HEMK2: variants seen among roughly 807,000 people sequenced by gnomAD.
The protein encoded by HEMK2 is methyltransferase HEMK2.
chr21:28,854,881 G>A, the HEMK2 span, among the ~76,000 whole-genome samples: 1 of 152,106 alleles, frequency 6.6e-6, no homozygotes, highest in Non-Finnish European at 1.5e-5. Context: ...ATAATACTTT[G>A]TATCCTTCAA....
chr21:28,718,625 A>T, the HEMK2 span, among the ~76,000 whole-genome samples: 9 of 152,162 alleles, frequency 5.9e-5, no homozygotes, highest in Non-Finnish European at 1.3e-4. Context: ...TTTAAAAAAA[A>T]AAATAAACTG....
the HEMK2 span, among the ~76,000 whole-genome samples, chr21:28,685,576 G>C: frequency 6.6e-6 from 1 of 152,184 alleles, no homozygotes; most frequent in Non-Finnish European, 1.5e-5. Context: ...AGCCAGTTTG[G>C]TTATGCACAC....
the HEMK2 span, among the ~76,000 whole-genome samples, chr21:28,829,204 C>T: frequency 6.6e-6 from 1 of 152,336 alleles, no homozygotes; most frequent in South Asian, 2.1e-4. Flanking sequence ...TTGCTAATTA[C>T]ACAGTAAGCA....
chr21:28,771,528 G>A, the HEMK2 span, among the ~76,000 whole-genome samples: 1,020 of 88,976 alleles, frequency 0.011, 25 homozygotes, highest in African/African-American at 0.047. Flanking sequence ...ACCCCCCCCC[G>A]CCAAAGAATT....
the HEMK2 span, among the ~76,000 whole-genome samples, chr21:28,604,533 A>T: frequency 2.0e-5 from 3 of 152,214 alleles, no homozygotes; most frequent in Admixed American, 2.0e-4. Flanking sequence ...TTTTTCATTC[A>T]GCAAATGTCT....
At chr21:28,617,298 G>C in the HEMK2 span, among the ~76,000 whole-genome samples, 3 of 152,344 alleles carry the variant, frequency 2.0e-5, no homozygotes, top group African/African-American at 7.2e-5. Context: ...GGAGTAGAGG[G>C]AGGCAGGGAG....
the HEMK2 span, among the ~76,000 whole-genome samples, chr21:28,636,828 T>TC: frequency 6.6e-6 from 1 of 152,166 alleles, no homozygotes; most frequent in Non-Finnish European, 1.5e-5. Context: ...AGAGTACGAC[T>TC]CCATCACTTT....
At chr21:28,838,469 G>C in the HEMK2 span, among the ~76,000 whole-genome samples, 1 of 151,918 alleles carries the variant, frequency 6.6e-6, no homozygotes, top group Non-Finnish European at 1.5e-5. Flanking sequence ...AGGAGGTGGA[G>C]CTTGCAGTGA....
the HEMK2 span, among the ~76,000 whole-genome samples, chr21:28,624,001 A>C: frequency 6.6e-6 from 1 of 152,192 alleles, no homozygotes; most frequent in South Asian, 2.1e-4. Context: ...TCAAATGCCA[A>C]TTTGCGGTGT....
chr21:28,883,336 C>A, the HEMK2 span, among the ~76,000 whole-genome samples: 14 of 152,074 alleles, frequency 9.2e-5, no homozygotes, highest in Non-Finnish European at 1.5e-5. Flanking sequence ...TTTCAACAAA[C>A]CATTACATTA....
At chr21:28,828,953 T>C in the HEMK2 span, among the ~76,000 whole-genome samples, 1 of 152,240 alleles carries the variant, frequency 6.6e-6, no homozygotes, top group Non-Finnish European at 1.5e-5. Context: ...TGAGTGATTT[T>C]AACAAGAGCT....
chr21:28,779,844 G>A, the HEMK2 span, among the ~76,000 whole-genome samples: 1 of 152,026 alleles, frequency 6.6e-6, no homozygotes, highest in African/African-American at 2.4e-5. Context: ...TCCTCTTTCA[G>A]TATGCAAAAA....
the HEMK2 span, among the ~76,000 whole-genome samples, chr21:28,877,231 G>A: frequency 1.2e-4 from 15 of 124,398 alleles, no homozygotes; most frequent in African/African-American, 4.2e-4. Context: ...GGGAAGGAAG[G>A]AAAGGAAGGG....
At chr21:28,720,131 C>T in the HEMK2 span, among the ~76,000 whole-genome samples, 5 of 152,162 alleles carry the variant, frequency 3.3e-5, no homozygotes, top group Non-Finnish European at 7.3e-5. Flanking sequence ...TCATTCAAAC[C>T]TGAGCTACAG....
the HEMK2 span, chr21:28,878,208 A>G: frequency 5.0e-6 from 8 of 1,584,574 alleles, no homozygotes; most frequent in African/African-American, 1.1e-4. Context: ...TGTTTTCTTT[A>G]ATGGTAACTA....
the HEMK2 span, among the ~76,000 whole-genome samples, chr21:28,763,910 T>C: frequency 7.9e-6 from 1 of 126,844 alleles, no homozygotes; most frequent in Non-Finnish European, 1.6e-5. Flanking sequence ...AGTTAATGTA[T>C]CCCTAGAAGC....
the HEMK2 span, among the ~76,000 whole-genome samples, chr21:28,863,340 C>T: frequency 1.4e-5 from 2 of 147,314 alleles, no homozygotes; most frequent in African/African-American, 5.0e-5. Context: ...GCTCTCCTTG[C>T]TCCTCAGCCT....
At chr21:28,716,303 C>A in the HEMK2 span, among the ~76,000 whole-genome samples, 1 of 152,130 alleles carries the variant, frequency 6.6e-6, no homozygotes, top group African/African-American at 2.4e-5. Flanking sequence ...TCTATGATTT[C>A]TTTCAGCAGT....
chr21:28,687,007 A>G, the HEMK2 span, among the ~76,000 whole-genome samples: 1 of 152,216 alleles, frequency 6.6e-6, no homozygotes, highest in African/African-American at 2.4e-5. Context: ...CAAATTTGGA[A>G]TTGATATGCT....
Sources: allele counts gnomAD v4.1 joint callset (sites outside exome capture counted in the v4.1 genomes callset), GRCh38; gene constraint gnomAD v4.1.1; transcripts MANE v1.5; gene names NCBI Gene and HGNC (gene_info 2026-07-23, HGNC 2026-07-21).